PPFIA4: variants seen among roughly 807,000 people sequenced by gnomAD.
The protein encoded by PPFIA4 is PPFI scaffold protein A4.
PPFIA4 carries 98 observed loss-of-function variants against 145.7 expected under a neutral mutation model. That is an observed-to-expected ratio of 0.67 (90% CI 0.57 to 0.80). The LOEUF is 0.80. Ranked by LOEUF, PPFIA4 falls within the 30% of genes least tolerant of loss-of-function variation. PPFIA4 has a pLI of 0.00. For synonymous variants in PPFIA4, 628 were observed against 649.6 expected (o/e 0.97, Z 0.51); for missense variants, 1,457 against 1,632.7 (o/e 0.89, Z 1.85).
chr1:203,064,053 A>G, intron 25 of PPFIA4, 50 bp downstream of exon 25: 1 of 1,577,710 alleles, frequency 6.3e-7, no homozygotes, highest in Non-Finnish European at 8.6e-7. Flanking sequence ...GGCCTCCCCT[A>G]GCTCTGAGGG....
Position 203,055,669 on chromosome 1 carries a change from C to T in PPFIA4, c.2067C>T (p.Thr689=), listed in dbSNP as rs756500623. 2.7e-5 allele frequency: 43 copies of T among 1,613,726 alleles called. No individual in the cohort carries two copies. Among genetic ancestry groups the T allele is most frequent in the Non-Finnish European group, 3.3e-5 (39 of 1,179,710 alleles). Residue 689 remains threonine (T), a synonymous_variant, in exon 16 of 30, where the codon ACC becomes ACT. Transcript: ENST00000295706. The surrounding 1 kb of genome is among the most constrained non-coding windows in gnomAD (Gnocchi z 4.8). ...AQDLDRMGVM[T]LPSDLRKHRR... is the part of the protein sequence containing the mutation. The stretch of plus-strand genomic sequence containing the variant: ...ACCTGGACCGAATGGGGGTCATGAC[C>T]CTGGTGAGAGGCAGCTGAGGAGCAG...
At chr1:203,061,792 C>A in intron 24 of PPFIA4, 114 bp downstream of exon 24, 2 of 1,118,550 alleles carry the variant, frequency 1.8e-6, no homozygotes, top group Non-Finnish European at 2.5e-6. Context: ...AAGCCCTGGA[C>A]ATAGGTTCTC....
In PPFIA4 at chr1:203,048,317, G is replaced by A. The variant is rs1660231303; in HGVS notation, c.1224+7G>A. On this transcript the variant is annotated splice_region_variant and intron_variant, in intron 10 of 29. Coordinates refer to ENST00000295706, the MANE Select transcript of PPFIA4 (RefSeq NM_001304331.2). The surrounding 1 kb of genome is among the most constrained non-coding windows in gnomAD (Gnocchi z 5.8). ...GAACCAGGAGCTGGCACGGGTGAGG[G>A]CACCAGGCCGGGCCCTCAGGCCCCC... 1 of 1,611,622 alleles carries A rather than the reference G, an allele frequency of 6.2e-7. No individual in the cohort carries two copies. Among genetic ancestry groups the A allele is most frequent in the Non-Finnish European group, 8.5e-7 (1 of 1,179,452 alleles).
At chr1:203,036,861 G>A (rs1659310386) in intron 1 of PPFIA4, among the ~76,000 whole-genome samples, 1 of 152,228 alleles carries the variant, frequency 6.6e-6, no homozygotes, top group Admixed American at 6.5e-5. Flanking sequence ...TTTTACTTCT[G>A]TAGCCTTCTG....
chr1:203,038,630 G>C lies in PPFIA4; in HGVS notation c.-379G>C. On this transcript the variant is annotated 5_prime_UTR_variant, in exon 2 of 30. Coordinates refer to ENST00000295706, the MANE Select transcript of PPFIA4 (RefSeq NM_001304331.2). Reference sequence around the variant, plus strand: ...CACAGACACACTGCCCTCCAGAAACGATGGGTGTCGCTAGATCCAGCTGGG... The same window carrying C: ...CACAGACACACTGCCCTCCAGAAACCATGGGTGTCGCTAGATCCAGCTGGG... 6.1e-6 allele frequency: 1 copy of C among 163,154 alleles called. No homozygotes were observed. Among genetic ancestry groups the C allele is most frequent in the Non-Finnish European group, 1.3e-5 (1 of 75,306 alleles). 10.1% of individuals were successfully genotyped at this position (163,154 alleles called of 1,614,324 possible). A position where few individuals can be genotyped will look rare whatever the true frequency, so the allele number is the denominator to read the frequency against.
At chr1:203,076,094 G>A (rs1435895426) in intron 29 of PPFIA4, 10 of 595,722 alleles carry the variant, frequency 1.7e-5, no homozygotes, top group Non-Finnish European at 2.6e-5. Flanking sequence ...GGCCAGGCCC[G>A]GGGACGCGGG....
At chr1:203,034,018 T>G (rs980095606) in intron 1 of PPFIA4, among the ~76,000 whole-genome samples, 2 of 152,116 alleles carry the variant, frequency 1.3e-5, no homozygotes, top group Non-Finnish European at 2.9e-5. Context: ...CCATGGGTGT[T>G]AGGGCCCTGT....
intron 1 of PPFIA4, chr1:203,034,453 G>A (rs577634652): frequency 1.5e-5 from 7 of 456,014 alleles, no homozygotes; most frequent in South Asian, 9.3e-5. Flanking sequence ...TGAGGCATGG[G>A]CAGCTGGGCT....
intron 26 of PPFIA4, 123 bp downstream of exon 26, chr1:203,067,915 A>C: frequency 1.2e-6 from 1 of 816,208 alleles, no homozygotes; most frequent in Non-Finnish European, 2.0e-6. Flanking sequence ...AGGAAGATGC[A>C]GCCTCACCTT....
rs1435608002 is a variant in PPFIA4, at chr1:203,075,624, C to T, written c.3441C>T (p.Phe1147=). The T allele has an allele frequency of 1.1e-5, 17 of 1,484,118 alleles. No individual in the cohort carries two copies. Among genetic ancestry groups the T allele is most frequent in the Non-Finnish European group, 1.5e-5 (17 of 1,116,410 alleles). 91.9% of individuals were successfully genotyped at this position (1,484,118 alleles called of 1,614,324 possible). ...FRRAPSWRKR[F]RPREHHGRGG... ...GCGCGCCCTCCTGGAGGAAGCGCTT[C>T]CGGCCGCGGGAGCACCACGGTCGCG... is the stretch of plus-strand genomic sequence containing the variant. Residue 1147 remains phenylalanine (F), a synonymous_variant, in exon 29 of 30, where the codon TTC becomes TTT. Transcript: ENST00000295706. The surrounding 1 kb of genome is among the most constrained non-coding windows in gnomAD (Gnocchi z 4.1).
chr1:203,037,552 G>A (rs1659374710), intron 1 of PPFIA4, among the ~76,000 whole-genome samples: 1 of 152,242 alleles, frequency 6.6e-6, no homozygotes, highest in South Asian at 2.1e-4. Context: ...AGACAGGGAG[G>A]TTGGAATCTG....
chr1:203,071,108 C>T (rs1662123778), intron 27 of PPFIA4, among the ~76,000 whole-genome samples: 1 of 151,590 alleles, frequency 6.6e-6, no homozygotes. Flanking sequence ...CACAACCATG[C>T]CCAGTTAATT....
At chr1:203,069,776 C>T (rs950478050) in intron 27 of PPFIA4, among the ~76,000 whole-genome samples, 2 of 143,544 alleles carry the variant, frequency 1.4e-5, no homozygotes, top group African/African-American at 5.0e-5. Flanking sequence ...CCGCCCCCAC[C>T]CCAACCAGTC....
Position 203,048,083 on chromosome 1 carries a change from CA to C in PPFIA4, c.1141-142del, listed in dbSNP as rs1660210349. ...GGCAATGGGGATGGTGGTCCTGCTC[CA>C]AGATGATAAGTGGAGGCTGAGCGTC... is the stretch of plus-strand genomic sequence containing the variant. On this transcript the variant is annotated intron_variant, in intron 9 of 29. Coordinates refer to ENST00000295706, the MANE Select transcript of PPFIA4 (RefSeq NM_001304331.2). This position sits in a 1 kb window ranked among gnomAD's most constrained non-coding sequence, Gnocchi z 5.8. 6 of 715,068 alleles carry C rather than the reference CA, an allele frequency of 8.4e-6. No individual in the cohort carries two copies. The Admixed American group carries it at 1.5e-4, about 17-fold the overall frequency. The allele number at this position is 715,068 out of a possible 1,614,324, so 44.3% of individuals were successfully genotyped here.
At chr1:203,037,730 A>G (rs1055644815) in intron 1 of PPFIA4, among the ~76,000 whole-genome samples, 2 of 152,200 alleles carry the variant, frequency 1.3e-5, no homozygotes, top group Non-Finnish European at 2.9e-5. Context: ...TGACTTCTGC[A>G]GTGTCAGCAA....
chr1:203,051,937 T>C, intron 14 of PPFIA4, 60 bp downstream of exon 14: 1 of 1,554,006 alleles, frequency 6.4e-7, no homozygotes, highest in Non-Finnish European at 8.8e-7. Context: ...CGTGCCTGGC[T>C]CCAGTTACGC....
rs1268372860 is a variant in PPFIA4, at chr1:203,043,507, G to A, written c.336+9G>A. 3 of 1,602,560 alleles carry A rather than the reference G, an allele frequency of 1.9e-6. No homozygotes were observed. The highest frequency in any genetic ancestry group is 2.6e-6 in the Non-Finnish European group (3 of 1,174,564). On this transcript the variant is annotated intron_variant, in intron 3 of 29. Coordinates refer to ENST00000295706, the MANE Select transcript of PPFIA4 (RefSeq NM_001304331.2). The surrounding 1 kb of genome is among the most constrained non-coding windows in gnomAD (Gnocchi z 4.4). ...AACGGAATAACACACGGGTAAGTGG[G>A]GATGACCTTGTGTCGCGCGCGCGCA...
At chr1:203,042,397 C>A (rs1234654885) in intron 2 of PPFIA4, among the ~76,000 whole-genome samples, 2 of 152,180 alleles carry the variant, frequency 1.3e-5, no homozygotes, top group African/African-American at 4.8e-5. Flanking sequence ...AAAGCCAGGG[C>A]AACTGCCTTG....
intron 1 of PPFIA4, 93 bp downstream of exon 1, chr1:203,026,722 C>T (rs528293931): frequency 6.6e-6 from 1 of 152,442 alleles, no homozygotes; most frequent in South Asian, 2.1e-4. Context: ...GTCTATCGCA[C>T]CTCGGGAAAC....
Sources: allele counts gnomAD v4.1 joint callset (sites outside exome capture counted in the v4.1 genomes callset), GRCh38; gene constraint gnomAD v4.1.1; non-coding constraint Gnocchi (gnomAD v3.1); transcripts MANE v1.5; gene names NCBI Gene and HGNC (gene_info 2026-07-23, HGNC 2026-07-21).